RBM26: variants seen among roughly 807,000 people sequenced by gnomAD.
RBM26 encodes RNA binding motif protein 26, also known as RNA-binding protein 26.
A neutral mutation model predicts 123.6 loss-of-function variants in RBM26; 30 were observed. That is an observed-to-expected ratio of 0.24 (90% confidence interval 0.18 to 0.33). The LOEUF is 0.33. Among genes scored for constraint, RBM26 ranks in the 10% least tolerant of loss-of-function variants. The pLI is 1.00. For synonymous variants in RBM26, 400 were observed against 404.4 expected (o/e 0.99, Z 0.13); for missense variants, 947 against 1,203.6 (o/e 0.79, Z 3.15).
intron 20 of RBM26, among the ~76,000 whole-genome samples, chr13:79,323,466 C>T (rs185208888): frequency 2.4e-4 from 37 of 151,656 alleles, no homozygotes; most frequent in Admixed American, 2.3e-3. Flanking sequence ...TGTCATACAA[C>T]TAGAATTTTT....
At chr13:79,363,057 C>T (rs2139784856) in intron 9 of RBM26, among the ~76,000 whole-genome samples, 1 of 152,138 alleles carries the variant, frequency 6.6e-6, no homozygotes, top group East Asian at 1.9e-4. Flanking sequence ...CCAATCATGA[C>T]ATCATCCATC....
At chr13:79,323,454 AAT>A (rs1220361491) in intron 20 of RBM26, among the ~76,000 whole-genome samples, 4 of 151,636 alleles carry the variant, frequency 2.6e-5, no homozygotes, top group Non-Finnish European at 5.9e-5. Context: ...TTTTTGTCAC[AAT>A]GTCATACAAC....
At chr13:79,403,879 C>T (rs1248019394) in intron 1 of RBM26, among the ~76,000 whole-genome samples, 1 of 152,178 alleles carries the variant, frequency 6.6e-6, no homozygotes, top group Non-Finnish European at 1.5e-5. Flanking sequence ...TACCTATTTG[C>T]CTCCATTTTT....
intron 17 of RBM26, among the ~76,000 whole-genome samples, chr13:79,342,207 T>A (rs975745644): frequency 6.6e-6 from 1 of 151,772 alleles, no homozygotes; most frequent in African/African-American, 2.4e-5. Flanking sequence ...AGTATAAACA[T>A]TGTATAACCC....
intron 1 of RBM26, among the ~76,000 whole-genome samples, chr13:79,386,933 G>T (rs1212647848): frequency 6.6e-6 from 1 of 152,114 alleles, no homozygotes. Flanking sequence ...AAATTTGGCT[G>T]AGTCGATTAA....
At chr13:79,316,587 A>G (rs2138246660), downstream of RBM26, among the ~76,000 whole-genome samples, 2 of 151,946 alleles carry the variant, frequency 1.3e-5, no homozygotes, top group East Asian at 3.9e-4. Context: ...AATCACAATA[A>G]AACAAAAGCT....
chr13:79,331,542 G>C (rs887662658), intron 20 of RBM26, among the ~76,000 whole-genome samples: 4 of 151,568 alleles, frequency 2.6e-5, no homozygotes, highest in Admixed American at 1.3e-4. Flanking sequence ...GCTGAGGCAG[G>C]AGAATGGCAT....
rs2067471376 is a variant in RBM26 at position 79,319,804 on chromosome 13, T to C, written c.*817A>G. The C allele has an allele frequency of 1.0e-6, 1 of 978,542 alleles. No homozygotes were observed. Among genetic ancestry groups the C allele is most frequent in the Non-Finnish European group, 1.2e-6 (1 of 824,008 alleles). The allele number at this position is 978,542 out of a possible 1,614,324, so 60.6% of individuals were successfully genotyped here. A position where few individuals can be genotyped will look rare whatever the true frequency, so the allele number is the denominator to read the frequency against. ...TTATTGTAAGGGTACCAGTAACCAT[T>C]ATTATTAAGAATAAGTTAGTGATTA... On this transcript the variant is annotated 3_prime_UTR_variant, in exon 22 of 22. Coordinates refer to ENST00000438737, the MANE Select transcript of RBM26 (RefSeq NM_001366735.2).
chr13:79,320,410 C>T lies in RBM26; in HGVS notation c.*211G>A. The T allele has an allele frequency of 7.4e-6, 9 of 1,210,626 alleles. No homozygotes were observed. Among genetic ancestry groups the T allele is most frequent in the Non-Finnish European group, 9.3e-6 (9 of 970,084 alleles). 75.0% of individuals were successfully genotyped at this position (1,210,626 alleles called of 1,614,324 possible). ...ATTGCATATGTTTCTAGTGTGATGT[C>T]TTTAGCAATTGTTTACTGAAGTAAA... On this transcript the variant is annotated 3_prime_UTR_variant, in exon 22 of 22. Transcript: ENST00000438737.
chr13:79,404,515 T>C (rs1378070524), intron 1 of RBM26, among the ~76,000 whole-genome samples: 1 of 152,228 alleles, frequency 6.6e-6, no homozygotes, highest in African/African-American at 2.4e-5. Context: ...CCATACATGA[T>C]GTGGCCCCTA....
Position 79,371,006 on chromosome 13 carries a change from C to A in RBM26, c.573G>T (p.Arg191Ser). ...RSRSRSWSKE[R>S]LRERDRDRSR... ...TTCTATCTCTGTCCCTCTCACGAAG[C>A]CTCTCTTTACTCCAACTTCGACTTC... The change falls in exon 5 of 22, where the codon AGG becomes AGT. Residue 191 changes from arginine to serine, a missense_variant. By Grantham distance (110) the Arg-to-Ser change is moderately radical. Around this residue, in one of 5 missense-constraint regions of RBM26, gnomAD observed 275 missense variants for 361.0 expected, o/e 0.76. Coordinates refer to ENST00000438737, the MANE Select transcript of RBM26 (RefSeq NM_001366735.2). 1.2e-6 allele frequency: 2 copies of A among 1,600,580 alleles called. No individual in the cohort carries two copies. The highest frequency in any genetic ancestry group is 1.7e-6 in the Non-Finnish European group (2 of 1,167,606).
chr13:79,352,466 CAA>C (rs61295621), intron 14 of RBM26, among the ~76,000 whole-genome samples: 75,814 of 135,970 alleles, frequency 0.56, 19,357 homozygotes, highest in Middle Eastern at 0.65. Flanking sequence ...CATACCTAAA[CAA>C]AAAAAAAAAA....
chr13:79,325,106 T>C (rs975926520), intron 20 of RBM26, among the ~76,000 whole-genome samples: 1 of 152,122 alleles, frequency 6.6e-6, no homozygotes, highest in Non-Finnish European at 1.5e-5. Flanking sequence ...AACAAACCGA[T>C]TGTGCTGCCA....
At chr13:79,365,938 G>T in intron 8 of RBM26, 117 bp downstream of exon 8, 2 of 1,065,566 alleles carry the variant, frequency 1.9e-6, no homozygotes, top group Non-Finnish European at 2.7e-6. Context: ...CATTCACCAC[G>T]GCTACATAAT....
intron 1 of RBM26, among the ~76,000 whole-genome samples, chr13:79,396,886 G>A (rs140706948): frequency 6.6e-6 from 1 of 152,284 alleles, no homozygotes; most frequent in African/African-American, 2.4e-5. Context: ...CTCAACAGAT[G>A]GAGAAAAAGA....
chr13:79,313,156 T>C (rs2066944729), exon 5 of RBM26: 1 of 151,866 alleles, frequency 6.6e-6, no homozygotes, highest in Non-Finnish European at 1.5e-5. Flanking sequence ...AGTGATTCTG[T>C]ACAGTTATCT....
Position 79,337,089 on chromosome 13 carries a change from A to T in RBM26, c.2733+13T>A. 6.2e-7 allele frequency: 1 copy of T among 1,607,432 alleles called. No individual in the cohort carries two copies. The highest frequency in any genetic ancestry group is 8.5e-7 in the Non-Finnish European group (1 of 1,174,502). ...ATTATCAGCATTTGTTTTGTTGAGC[A>T]GTAAGAAAGTACCGCAAAATGAGGA... On this transcript the variant is annotated intron_variant, in intron 19 of 21. Transcript: ENST00000438737.
At chr13:79,398,133 G>A (rs1284162171) in intron 1 of RBM26, among the ~76,000 whole-genome samples, 2 of 152,218 alleles carry the variant, frequency 1.3e-5, no homozygotes, top group Non-Finnish European at 2.9e-5. Context: ...TAATGAGTAA[G>A]TCTAGTAGGA....
At chr13:79,345,075 A>G (rs1444982523) in intron 14 of RBM26, among the ~76,000 whole-genome samples, 2 of 152,300 alleles carry the variant, frequency 1.3e-5, no homozygotes, top group Middle Eastern at 3.4e-3. Flanking sequence ...TACTATTACT[A>G]CATCACTGAG....
Sources: gnomAD v4.1 joint callset for allele counts (sites outside exome capture counted in the v4.1 genomes callset) on GRCh38, gnomAD v4.1.1 for gene constraint, gnomAD v4.1.1 regional missense constraint, MANE v1.5 for transcripts, NCBI Gene and HGNC (gene_info 2026-07-23, HGNC 2026-07-21) for gene names.